PRKCB: variants seen among roughly 807,000 people sequenced by gnomAD.
PRKCB encodes protein kinase C beta type.
Under a neutral mutation model 81.5 loss-of-function variants are expected in PRKCB, and 13 were observed. That is an observed-to-expected ratio of 0.16 (90% CI 0.10 to 0.25). PRKCB has a LOEUF of 0.25. Among genes scored for constraint, PRKCB ranks in the 10% least tolerant of loss-of-function variants. The pLI, the probability that PRKCB is intolerant of heterozygous loss-of-function variation, is 1.00. For synonymous variants in PRKCB, 335 were observed against 321.4 expected (o/e 1.04, Z -0.45); for missense variants, 509 against 875.7 (o/e 0.58, Z 5.29).
chr16:23,937,788 A>G (rs1238979811), intron 2 of PRKCB, among the ~76,000 whole-genome samples: 1 of 152,204 alleles, frequency 6.6e-6, no homozygotes, highest in Non-Finnish European at 1.5e-5. Context: ...GCCTCTTACG[A>G]TGGCTAATTT....
intron 2 of PRKCB, among the ~76,000 whole-genome samples, chr16:23,849,025 G>A (rs1302533998): frequency 1.3e-5 from 2 of 152,226 alleles, no homozygotes; most frequent in East Asian, 3.8e-4. Flanking sequence ...ACCTTACAGT[G>A]GATCTTAGAG....
chr16:24,124,791 C>T (rs527735539), intron 9 of PRKCB, among the ~76,000 whole-genome samples: 9 of 152,148 alleles, frequency 5.9e-5, no homozygotes, highest in African/African-American at 1.2e-4. Context: ...ATCTATGTAA[C>T]GTAAGCCAAA....
At chr16:23,964,482 T>C (rs948921827) in intron 2 of PRKCB, among the ~76,000 whole-genome samples, 1 of 152,226 alleles carries the variant, frequency 6.6e-6, no homozygotes, top group Admixed American at 6.5e-5. Flanking sequence ...TTTGTCAGCC[T>C]CTGGTCTAGA....
intron 10 of PRKCB, among the ~76,000 whole-genome samples, chr16:24,166,462 A>C (rs549055673): frequency 1.3e-5 from 2 of 152,156 alleles, no homozygotes; most frequent in East Asian, 3.9e-4. Context: ...GACTCCATGA[A>C]TTTTACTCCC....
At chr16:24,118,251 T>C (rs1966757691) in intron 8 of PRKCB, among the ~76,000 whole-genome samples, 1 of 152,272 alleles carries the variant, frequency 6.6e-6, no homozygotes, top group African/African-American at 2.4e-5. Flanking sequence ...ATTATAGCAC[T>C]TCTTACCTCA....
chr16:23,951,576 AG>A (rs886289778), intron 2 of PRKCB, among the ~76,000 whole-genome samples: 4 of 120,890 alleles, frequency 3.3e-5, no homozygotes, highest in African/African-American at 1.3e-4. Context: ...CCACTATGCC[AG>A]GCTTTTTTTT....
chr16:24,208,681 A>G (rs1469680076), intron 16 of PRKCB, among the ~76,000 whole-genome samples: 1 of 151,868 alleles, frequency 6.6e-6, no homozygotes, highest in Non-Finnish European at 1.5e-5. Context: ...GGTGCAATCC[A>G]TGGTGCGTTT....
chr16:24,179,423 GAATT>G (rs1394619946), intron 12 of PRKCB, among the ~76,000 whole-genome samples: 1 of 152,210 alleles, frequency 6.6e-6, no homozygotes, highest in Non-Finnish European at 1.5e-5. Context: ...GGAAAGATCT[GAATT>G]AAGGAATAGA....
chr16:23,850,334 C>T (rs142546703), intron 2 of PRKCB, among the ~76,000 whole-genome samples: 1 of 151,054 alleles, frequency 6.6e-6, no homozygotes, highest in East Asian at 1.9e-4. Context: ...AAATATATGC[C>T]CAGAAGTGGG....
intron 2 of PRKCB, among the ~76,000 whole-genome samples, chr16:23,906,455 T>C (rs1406110789): frequency 1.3e-5 from 2 of 152,172 alleles, no homozygotes; most frequent in African/African-American, 4.8e-5. Flanking sequence ...AAAATTGGTG[T>C]TTAACTTTGA....
chr16:24,086,811 G>A (rs916483578), intron 5 of PRKCB, among the ~76,000 whole-genome samples: 1 of 152,100 alleles, frequency 6.6e-6, no homozygotes, highest in Non-Finnish European at 1.5e-5. Context: ...TATCTTTTCA[G>A]ACTCTTTTCT....
In PRKCB at chr16:24,114,326, A is replaced by G. The variant is rs994218815; in HGVS notation, c.918+1257A>G. Among the ~76,000 whole-genome samples the G allele has an allele frequency of 3.3e-5, 5 of 151,466 alleles. No homozygotes were observed. The East Asian group carries it at 7.9e-4, about 24-fold the overall frequency. On this transcript the variant is annotated intron_variant, in intron 8 of 16. Coordinates refer to ENST00000643927, the MANE Select transcript of PRKCB (RefSeq NM_002738.7). ...ATATATTTTGGAGGCTGAGTCAACT[A>G]GGCTTGCTGATGGATGGAATCTGGA...
At chr16:23,871,986 A>T (rs1347589580) in intron 2 of PRKCB, among the ~76,000 whole-genome samples, 1 of 151,374 alleles carries the variant, frequency 6.6e-6, no homozygotes, top group Admixed American at 6.6e-5. Flanking sequence ...GTTCTCTGTT[A>T]CTTCTCCAGC....
chr16:23,989,654 A>G (rs1042011438), intron 3 of PRKCB, among the ~76,000 whole-genome samples: 1 of 152,224 alleles, frequency 6.6e-6, no homozygotes, highest in African/African-American at 2.4e-5. Context: ...AACTGATTTG[A>G]GGACAATATT....
chr16:24,061,425 A>G (rs1025629834), intron 5 of PRKCB, among the ~76,000 whole-genome samples: 1 of 152,012 alleles, frequency 6.6e-6, no homozygotes, highest in African/African-American at 2.4e-5. Flanking sequence ...TGATATATAC[A>G]GTTTTTCAGA....
chr16:23,923,483 T>C (rs1963854702), intron 2 of PRKCB, among the ~76,000 whole-genome samples: 1 of 152,132 alleles, frequency 6.6e-6, no homozygotes, highest in Non-Finnish European at 1.5e-5. Context: ...CACCCTTATC[T>C]ACTCTTGGAG....
intron 3 of PRKCB, among the ~76,000 whole-genome samples, chr16:24,029,577 T>C (rs998659384): frequency 7.3e-6 from 1 of 136,106 alleles, no homozygotes; most frequent in African/African-American, 2.6e-5. Context: ...GGCAGTTCTT[T>C]ATAGCAGTAT....
intron 10 of PRKCB, among the ~76,000 whole-genome samples, chr16:24,163,701 A>G (rs1283697349): frequency 6.6e-6 from 1 of 152,248 alleles, no homozygotes; most frequent in South Asian, 2.1e-4. Flanking sequence ...TTGTGTGTGA[A>G]CACATGTCAT....
intron 2 of PRKCB, among the ~76,000 whole-genome samples, chr16:23,924,457 G>A (rs1963870078): frequency 6.6e-6 from 1 of 151,944 alleles, no homozygotes; most frequent in African/African-American, 2.4e-5. Context: ...TTGGGAGGAG[G>A]GGAGAATCAG....
Sources: gnomAD v4.1 joint callset for allele counts (sites outside exome capture counted in the v4.1 genomes callset) on GRCh38, gnomAD v4.1.1 for gene constraint, MANE v1.5 for transcripts, NCBI Gene and HGNC (gene_info 2026-07-23, HGNC 2026-07-21) for gene names.